The following FGF12 variants were observed in gnomAD, a reference collection of about 807,000 sequenced individuals.
The protein encoded by FGF12 is fibroblast growth factor 12B.
In FGF12, 14 loss-of-function variants were observed where a neutral mutation model predicts 23.6. The ratio of observed to expected loss-of-function variants is 0.59; its 90% confidence interval spans 0.39 to 0.93. FGF12 has a LOEUF of 0.93. Ranked by LOEUF, FGF12 falls within the 40% of genes least tolerant of loss-of-function variation. The pLI is 0.00. For missense variants in FGF12, 175 were observed against 217.8 expected, an observed-to-expected ratio of 0.80 and a Z score of 1.24; for synonymous variants, 62 against 77.3, an observed-to-expected ratio of 0.80 and a Z score of 1.04.
intron 4 of FGF12, among the ~76,000 whole-genome samples, chr3:192,298,802 G>A (rs940214724): frequency 2.0e-5 from 3 of 152,182 alleles, no homozygotes; most frequent in Non-Finnish European, 2.9e-5. Context: ...AAGAAGCATG[G>A]CACCAGCCTC....
rs1408629710 is a variant in FGF12, at chr3:192,142,576, T to C, written c.*1433A>G. 6.6e-6 allele frequency: 1 copy of C among 152,492 alleles called. No individual in the cohort carries two copies. Among genetic ancestry groups the C allele is most frequent in the African/African-American group, 2.4e-5 (1 of 41,434 alleles). 9.4% of individuals were successfully genotyped at this position (152,492 alleles called of 1,614,324 possible). A position where few individuals can be genotyped will look rare whatever the true frequency, so the allele number is the denominator to read the frequency against. ...ATAGATCTATTTATTCCAATGCAAATTGTGTAACATTTATTTCTTCCTTGA... is the reference window on the plus strand; with the variant it reads ...ATAGATCTATTTATTCCAATGCAAACTGTGTAACATTTATTTCTTCCTTGA... On this transcript the variant is annotated 3_prime_UTR_variant, in exon 6 of 6. Transcript: ENST00000445105.
chr3:192,567,270 A>G (rs903632378), intron 2 of FGF12, among the ~76,000 whole-genome samples: 4 of 152,132 alleles, frequency 2.6e-5, no homozygotes, highest in Non-Finnish European at 4.4e-5. Flanking sequence ...TTTAGTGGGG[A>G]AAAAAATCTA....
intron 2 of FGF12, among the ~76,000 whole-genome samples, chr3:192,378,040 T>TTCTTTCTCTCTCTC (rs1560091697): frequency 3.9e-5 from 3 of 77,192 alleles, no homozygotes; most frequent in East Asian, 1.1e-3. Flanking sequence ...CTTTCTTTCT[T>TTCTTTCTCTCTCTC]TCTTTCTTTC....
chr3:192,626,203 T>C (rs769072600), intron 2 of FGF12, among the ~76,000 whole-genome samples: 4 of 152,204 alleles, frequency 2.6e-5, no homozygotes, highest in Middle Eastern at 3.2e-3. Flanking sequence ...CAATCACCAA[T>C]GTATCATCTC....
chr3:192,261,998 G>C (rs1004522846), intron 4 of FGF12, among the ~76,000 whole-genome samples: 1 of 152,144 alleles, frequency 6.6e-6, no homozygotes, highest in Non-Finnish European at 1.5e-5. Flanking sequence ...CTTAGTACTC[G>C]AAGAATTAGA....
chr3:192,392,230 T>G (rs1023014955), intron 2 of FGF12, among the ~76,000 whole-genome samples: 2 of 151,924 alleles, frequency 1.3e-5, no homozygotes, highest in African/African-American at 4.8e-5. Flanking sequence ...ATAATCAGAG[T>G]TGACAACATA....
At chr3:192,235,729 T>G (rs1334569575) in intron 4 of FGF12, among the ~76,000 whole-genome samples, 2 of 152,182 alleles carry the variant, frequency 1.3e-5, no homozygotes, top group Admixed American at 1.3e-4. Context: ...CATTTCTGAT[T>G]GTGTTTATTT....
At chr3:192,159,520 A>T (rs1208161490) in intron 5 of FGF12, among the ~76,000 whole-genome samples, 1 of 152,204 alleles carries the variant, frequency 6.6e-6, no homozygotes, top group East Asian at 1.9e-4. Flanking sequence ...TGAAGAAACT[A>T]GGGAAGTATT....
chr3:192,431,833 C>G (rs561542637), intron 2 of FGF12, among the ~76,000 whole-genome samples: 59 of 152,278 alleles, frequency 3.9e-4, no homozygotes, highest in African/African-American at 1.4e-3. Flanking sequence ...GCTGGGATAA[C>G]AGCATTAACC....
chr3:192,327,358 G>A (rs1053846906), intron 4 of FGF12, among the ~76,000 whole-genome samples: 17 of 152,004 alleles, frequency 1.1e-4, no homozygotes, highest in African/African-American at 2.4e-4. Context: ...TAAAATAAGC[G>A]TCTTTATCAC....
At chr3:192,268,118 T>C (rs564526766) in intron 4 of FGF12, among the ~76,000 whole-genome samples, 100 of 152,300 alleles carry the variant, frequency 6.6e-4, no homozygotes, top group African/African-American at 2.4e-3. Flanking sequence ...TTCCTAATGT[T>C]TAACGTAAAT....
chr3:192,433,647 G>T (rs930416266), intron 2 of FGF12, among the ~76,000 whole-genome samples: 3 of 152,182 alleles, frequency 2.0e-5, no homozygotes, highest in Non-Finnish European at 4.4e-5. Context: ...GTTAAGAATT[G>T]TTAAATTCAG....
intron 4 of FGF12, among the ~76,000 whole-genome samples, chr3:192,204,129 C>T (rs959358997): frequency 3.9e-5 from 6 of 152,164 alleles, no homozygotes; most frequent in African/African-American, 1.4e-4. Flanking sequence ...ATGAAGGTCA[C>T]CCAAAAACTG....
chr3:192,269,341 C>A (rs1023980817), intron 4 of FGF12, among the ~76,000 whole-genome samples: 1 of 152,190 alleles, frequency 6.6e-6, no homozygotes, highest in Non-Finnish European at 1.5e-5. Flanking sequence ...ATTCTCCTAG[C>A]TTTTTAACCT....
At chr3:192,148,821 A>G (rs778738415) in intron 5 of FGF12, among the ~76,000 whole-genome samples, 6 of 152,178 alleles carry the variant, frequency 3.9e-5, no homozygotes, top group Admixed American at 6.5e-5. Context: ...GGGCGAGGAA[A>G]AGGATAGAGA....
Position 192,355,739 on chromosome 3 carries a change from CT to C in FGF12, c.124+4688del, listed in dbSNP as rs143331131. Among the ~76,000 whole-genome samples the C allele has an allele frequency of 3.2e-4, 48 of 152,264 alleles. 1 individual carries two copies. Among genetic ancestry groups the C allele is most frequent in the African/African-American group, 1.1e-3 (46 of 41,556 alleles). On this transcript the variant is annotated intron_variant, in intron 3 of 5. Transcript: ENST00000445105. ...TTCTATGGCTACTATCTTAGTAATT[CT>C]TTTCTAGAAGGCAAGAAGAACAGAG...
chr3:192,233,874 C>T (rs1304815326), intron 4 of FGF12, among the ~76,000 whole-genome samples: 5 of 151,850 alleles, frequency 3.3e-5, no homozygotes, highest in South Asian at 2.1e-4. Context: ...GCTTTATTTC[C>T]GGGTTATCTA....
intron 4 of FGF12, among the ~76,000 whole-genome samples, chr3:192,228,184 T>C (rs570264233): frequency 3.4e-4 from 51 of 152,206 alleles, no homozygotes; most frequent in Middle Eastern, 3.4e-3. Context: ...GGGTAGTTAA[T>C]ATACAAATCA....
chr3:192,718,582 G>C (rs1461795045), intron 2 of FGF12, among the ~76,000 whole-genome samples: 1 of 152,160 alleles, frequency 6.6e-6, no homozygotes, highest in African/African-American at 2.4e-5. Flanking sequence ...CGGGAATTAG[G>C]ATTCAAATCC....
Sources: gnomAD v4.1 joint callset for allele counts (sites outside exome capture counted in the v4.1 genomes callset) on GRCh38, gnomAD v4.1.1 for gene constraint, MANE v1.5 for transcripts, NCBI Gene and HGNC (gene_info 2026-07-23, HGNC 2026-07-21) for gene names.